GRIK2: variants seen among roughly 807,000 people sequenced by gnomAD.
GRIK2 encodes glutamate ionotropic receptor kainate type subunit 2, also known as glutamate receptor ionotropic, kainate 2.
GRIK2 carries 32 observed loss-of-function variants against 100.3 expected under a neutral mutation model. The ratio of observed to expected loss-of-function variants is 0.32; its 90% CI spans 0.24 to 0.43. GRIK2 has a LOEUF of 0.43. GRIK2 is among the 20% of genes least tolerant of loss of function. The pLI is 1.00. For missense variants in GRIK2, 843 were observed against 1,114.9 expected (o/e 0.76, Z 3.47); for synonymous variants, 417 against 389.4 (o/e 1.07, Z -0.83).
intron 7 of GRIK2, among the ~76,000 whole-genome samples, chr6:101,695,801 A>G (rs1772444629): frequency 6.6e-6 from 1 of 152,126 alleles, no homozygotes; most frequent in African/African-American, 2.4e-5. Context: ...GAATACTTAC[A>G]TTAAGTAAGT....
intron 2 of GRIK2, among the ~76,000 whole-genome samples, chr6:101,528,316 C>G (rs539059575): frequency 6.6e-5 from 10 of 152,066 alleles, no homozygotes; most frequent in Non-Finnish European, 1.3e-4. Flanking sequence ...TATATAACAC[C>G]CACTATAGGA....
At chr6:101,736,681 C>T (rs371370927) in intron 7 of GRIK2, among the ~76,000 whole-genome samples, 55 of 152,282 alleles carry the variant, frequency 3.6e-4, no homozygotes, top group African/African-American at 1.2e-3. Flanking sequence ...CTTCCTAGGC[C>T]TCTGGGCCTG....
chr6:101,410,459 G>T (rs962412722), intron 2 of GRIK2, among the ~76,000 whole-genome samples: 1 of 151,882 alleles, frequency 6.6e-6, no homozygotes, highest in African/African-American at 2.4e-5. Context: ...ACAGATTTTG[G>T]TACCACCCCT....
At chr6:101,405,436 A>G (rs1024722225) in intron 2 of GRIK2, among the ~76,000 whole-genome samples, 5 of 152,132 alleles carry the variant, frequency 3.3e-5, no homozygotes, top group African/African-American at 7.2e-5. Flanking sequence ...TGTTGATGAT[A>G]AATTCTCTAT....
At chr6:101,865,651 C>A (rs537893896) in intron 11 of GRIK2, among the ~76,000 whole-genome samples, 21 of 152,184 alleles carry the variant, frequency 1.4e-4, no homozygotes, top group Middle Eastern at 3.4e-3. Flanking sequence ...CTTTGGGTGG[C>A]CAAGGTGGGC....
chr6:101,980,254 A>G, intron 14 of GRIK2, among the ~76,000 whole-genome samples: 1 of 152,012 alleles, frequency 6.6e-6, no homozygotes, highest in East Asian at 1.9e-4. Context: ...TTTGAAAAGT[A>G]CAAATGATTC....
At chr6:101,564,619 C>G (rs1434129251) in intron 2 of GRIK2, among the ~76,000 whole-genome samples, 1 of 152,122 alleles carries the variant, frequency 6.6e-6, no homozygotes, top group Non-Finnish European at 1.5e-5. Context: ...ATCTCATTTT[C>G]TACCAGACAC....
At chr6:101,980,422 T>TTATA (rs1793644324) in intron 14 of GRIK2, among the ~76,000 whole-genome samples, 1 of 151,940 alleles carries the variant, frequency 6.6e-6, no homozygotes, top group Non-Finnish European at 1.5e-5. Context: ...GTATTTTTTG[T>TTATA]TAGTGTCAGA....
intron 14 of GRIK2, among the ~76,000 whole-genome samples, chr6:101,965,968 T>A (rs1792645936): frequency 6.6e-6 from 1 of 152,154 alleles, no homozygotes; most frequent in Admixed American, 6.6e-5. Flanking sequence ...TGGTTTGGAT[T>A]TCTTTGTAAT....
At chr6:102,020,500 G>A (rs1249934870) in intron 14 of GRIK2, among the ~76,000 whole-genome samples, 2 of 151,844 alleles carry the variant, frequency 1.3e-5, no homozygotes, top group Admixed American at 1.3e-4. Context: ...TTCTGCTGAA[G>A]ACAGGCCAAG....
chr6:101,466,604 A>AT (rs1771659685), intron 2 of GRIK2, among the ~76,000 whole-genome samples: 1 of 152,142 alleles, frequency 6.6e-6, no homozygotes, highest in African/African-American at 2.4e-5. Context: ...TAAAAAAAAA[A>AT]AAAAGCTTTT....
intron 2 of GRIK2, among the ~76,000 whole-genome samples, chr6:101,415,064 G>A (rs1776068292): frequency 6.6e-6 from 1 of 151,872 alleles, no homozygotes; most frequent in African/African-American, 2.4e-5. Context: ...AAAATATGAA[G>A]TGTGAAAGTG....
chr6:101,697,367 G>GT (rs1186458423), intron 7 of GRIK2, among the ~76,000 whole-genome samples: 2 of 151,198 alleles, frequency 1.3e-5, no homozygotes, highest in African/African-American at 4.9e-5. Context: ...GTGTGTGTGT[G>GT]TGTGTGTGTG....
chr6:101,779,634 C>T (rs1240317686), intron 7 of GRIK2, among the ~76,000 whole-genome samples: 1 of 152,116 alleles, frequency 6.6e-6, no homozygotes, highest in South Asian at 2.1e-4. Flanking sequence ...TCTGAACTAG[C>T]AGTGAAGCAG....
intron 12 of GRIK2, among the ~76,000 whole-genome samples, chr6:101,890,900 AG>A (rs1031989086): frequency 2.2e-4 from 34 of 151,568 alleles, no homozygotes; most frequent in Non-Finnish European, 4.4e-4. Context: ...AATATCAAAA[AG>A]ATAACTCTGA....
At chr6:101,612,598 C>T (rs1408330421) in intron 2 of GRIK2, among the ~76,000 whole-genome samples, 7 of 151,724 alleles carry the variant, frequency 4.6e-5, no homozygotes, top group Non-Finnish European at 5.9e-5. Context: ...ACATTGAGCA[C>T]ATAAAGCAAA....
intron 2 of GRIK2, among the ~76,000 whole-genome samples, chr6:101,437,180 A>T (rs1319163875): frequency 6.6e-6 from 1 of 152,096 alleles, no homozygotes; most frequent in African/African-American, 2.4e-5. Flanking sequence ...AAGCAACAAT[A>T]GACCACATGG....
intron 14 of GRIK2, among the ~76,000 whole-genome samples, chr6:101,958,283 G>GTGTGTGTGTGTGTGTGTGTGT (rs71028091): frequency 1.1e-4 from 16 of 150,842 alleles, no homozygotes; most frequent in South Asian, 4.2e-4. Context: ...GTGTGTGTGT[G>GTGTGTGTGTGTGTGTGTGTGT]GGTCCATTGC....
At chr6:101,513,301 A>T (rs1004304495) in intron 2 of GRIK2, among the ~76,000 whole-genome samples, 1 of 152,186 alleles carries the variant, frequency 6.6e-6, no homozygotes, top group Non-Finnish European at 1.5e-5. Context: ...AAGACCCAGG[A>T]TTGATAAAAA....
Sources: gnomAD v4.1 joint callset for allele counts (sites outside exome capture counted in the v4.1 genomes callset) on GRCh38, gnomAD v4.1.1 for gene constraint, MANE v1.5 for transcripts, NCBI Gene and HGNC (gene_info 2026-07-23, HGNC 2026-07-21) for gene names.